The following CUL5 variants were observed in gnomAD, a reference collection of about 807,000 sequenced individuals.
CUL5 encodes cullin 5.
In CUL5, 26 loss-of-function variants were observed where a neutral mutation model predicts 108.8. That is an observed-to-expected ratio of 0.24 (90% CI 0.18 to 0.33). The LOEUF is 0.33. Among genes scored for constraint, CUL5 ranks in the 10% least tolerant of loss-of-function variants. CUL5 has a pLI of 1.00. For missense variants in CUL5, 524 were observed against 909.2 expected, an observed-to-expected ratio of 0.58 and a Z score of 5.45; for synonymous variants, 334 against 298.0, an observed-to-expected ratio of 1.12 and a Z score of -1.25.
At chr11:108,101,141 A>G (rs1209081583) in intron 18 of CUL5, among the ~76,000 whole-genome samples, 1 of 152,218 alleles carries the variant, frequency 6.6e-6, no homozygotes, top group African/African-American at 2.4e-5. Flanking sequence ...CAATCCAATA[A>G]TCTAAGCTGT....
chr11:108,016,502 G>T (rs1476691508), intron 1 of CUL5, among the ~76,000 whole-genome samples: 1 of 152,156 alleles, frequency 6.6e-6, no homozygotes, highest in Non-Finnish European at 1.5e-5. Flanking sequence ...AATCTGCCCT[G>T]TCCTTCCAAA....
intron 13 of CUL5, among the ~76,000 whole-genome samples, chr11:108,094,061 TAGAAA>T: frequency 6.6e-6 from 1 of 152,230 alleles, no homozygotes; most frequent in South Asian, 2.1e-4. Context: ...ATCAAAGAGC[TAGAAA>T]TAAAGTTTTT....
At chr11:108,012,603 C>CT (rs1175300627) in intron 1 of CUL5, among the ~76,000 whole-genome samples, 4 of 136,058 alleles carry the variant, frequency 2.9e-5, no homozygotes, top group South Asian at 2.3e-4. Flanking sequence ...ATAAACTTTT[C>CT]TTTTTTTTGG....
intron 7 of CUL5, among the ~76,000 whole-genome samples, chr11:108,063,805 C>A (rs531002494): frequency 6.6e-6 from 1 of 152,176 alleles, no homozygotes; most frequent in South Asian, 2.1e-4. Context: ...TTTTGAGGAA[C>A]CTCCAAACTG....
At chr11:108,102,809 A>G (rs1450035561) in intron 18 of CUL5, among the ~76,000 whole-genome samples, 1 of 152,160 alleles carries the variant, frequency 6.6e-6, no homozygotes, top group Non-Finnish European at 1.5e-5. Flanking sequence ...TAAGATAGAT[A>G]TATGCCTTTT....
chr11:108,074,777 G>C (rs1863906604), intron 10 of CUL5, among the ~76,000 whole-genome samples: 3 of 152,096 alleles, frequency 2.0e-5, no homozygotes, highest in Admixed American at 2.0e-4. Context: ...TTGCACTCCA[G>C]CCTGGGCAAC....
At chr11:108,094,071 GT>G (rs1864427265) in intron 13 of CUL5, among the ~76,000 whole-genome samples, 1 of 152,186 alleles carries the variant, frequency 6.6e-6, no homozygotes, top group East Asian at 1.9e-4. Flanking sequence ...TAGAAATAAA[GT>G]TTTTACTTCA....
intron 1 of CUL5, among the ~76,000 whole-genome samples, chr11:108,020,457 A>C (rs1180986850): frequency 6.6e-6 from 1 of 152,106 alleles, no homozygotes; most frequent in Non-Finnish European, 1.5e-5. Flanking sequence ...AGAATAAAAA[A>C]CCTTTTTTTA....
intron 11 of CUL5, among the ~76,000 whole-genome samples, chr11:108,080,127 T>C (rs201774636): frequency 4.7e-4 from 68 of 143,310 alleles, no homozygotes; most frequent in South Asian, 8.7e-4. Flanking sequence ...TTTTTTTTTT[T>C]CCGGTATTCG....
intron 8 of CUL5, among the ~76,000 whole-genome samples, chr11:108,071,435 G>T (rs534433568): frequency 6.6e-6 from 1 of 152,046 alleles, no homozygotes; most frequent in South Asian, 2.1e-4. Flanking sequence ...GCTAATTTTT[G>T]TATTTTTTGT....
intron 3 of CUL5, among the ~76,000 whole-genome samples, chr11:108,047,550 A>T (rs1003720203): frequency 1.3e-5 from 2 of 152,154 alleles, no homozygotes; most frequent in Non-Finnish European, 2.9e-5. Flanking sequence ...ATATATTTTA[A>T]TTTTGCTAGT....
intron 7 of CUL5, among the ~76,000 whole-genome samples, chr11:108,060,308 A>G (rs939394303): frequency 6.6e-6 from 1 of 152,214 alleles, no homozygotes; most frequent in African/African-American, 2.4e-5. Context: ...CCAGGAAATT[A>G]ATTATTGAAT....
chr11:108,091,275 T>C (rs1864350710), intron 13 of CUL5, among the ~76,000 whole-genome samples: 1 of 151,948 alleles, frequency 6.6e-6, no homozygotes. Flanking sequence ...GGTCTTGAAA[T>C]CCTGGTCTTA....
intron 18 of CUL5, among the ~76,000 whole-genome samples, chr11:108,103,563 C>T (rs1412164490): frequency 6.6e-6 from 1 of 151,982 alleles, no homozygotes; most frequent in Non-Finnish European, 1.5e-5. Flanking sequence ...TACTGCTATA[C>T]AAAGAAATAA....
rs988160479 is a variant in CUL5, at chr11:108,017,528, A to G, written c.24+8156A>G. Among the ~76,000 whole-genome samples the G allele has an allele frequency of 2.6e-5, 4 of 152,128 alleles. No homozygotes were observed. The East Asian group carries it at 7.7e-4, about 29-fold the overall frequency. On this transcript the variant is annotated intron_variant, in intron 1 of 18. Coordinates refer to ENST00000393094, the MANE Select transcript of CUL5 (RefSeq NM_003478.6). ...TACACTTGCATAGTTTTTACTGGTA[A>G]TTAGGGCGGTAGCGAAAACAACGTG...
At chr11:108,070,856 A>G (rs978012814) in intron 8 of CUL5, among the ~76,000 whole-genome samples, 5 of 152,180 alleles carry the variant, frequency 3.3e-5, no homozygotes, top group African/African-American at 9.7e-5. Context: ...GCATATTTCA[A>G]TTCACTTAAG....
intron 1 of CUL5, among the ~76,000 whole-genome samples, chr11:108,015,280 A>G (rs909399356): frequency 6.6e-6 from 1 of 152,250 alleles, no homozygotes; most frequent in African/African-American, 2.4e-5. Flanking sequence ...GGAGCAAGTC[A>G]TGTACATATT....
At chr11:108,095,385 C>A (rs1053344707) in intron 15 of CUL5, 145 bp from the exon 16 acceptor site, 1 of 601,990 alleles carries the variant, frequency 1.7e-6, no homozygotes, top group Non-Finnish European at 2.8e-6. Flanking sequence ...TCTGGGCAGT[C>A]ATTAACGTCT....
chr11:108,027,069 A>G (rs983143637), intron 1 of CUL5, among the ~76,000 whole-genome samples: 2 of 151,220 alleles, frequency 1.3e-5, no homozygotes, highest in African/African-American at 4.9e-5. Context: ...ACTCTCTTAT[A>G]CAGGAAAAAT....
Sources: gnomAD v4.1 joint callset for allele counts (sites outside exome capture counted in the v4.1 genomes callset) on GRCh38, gnomAD v4.1.1 for gene constraint, MANE v1.5 for transcripts, NCBI Gene and HGNC (gene_info 2026-07-23, HGNC 2026-07-21) for gene names.